Variants in PPFIA2 observed in about 807,000 individuals in gnomAD.
The protein encoded by PPFIA2 is PPFI scaffold protein A2.
In PPFIA2, 46 loss-of-function variants were observed where a neutral mutation model predicts 175.5. That is an observed-to-expected ratio of 0.26 (90% CI 0.21 to 0.34). PPFIA2 has a LOEUF of 0.34. Among genes scored for constraint, PPFIA2 ranks in the 10% least tolerant of loss-of-function variants. The pLI, the probability that PPFIA2 is intolerant of heterozygous loss-of-function variation, is 1.00. For missense variants in PPFIA2, 1,179 were observed against 1,506.1 expected, an observed-to-expected ratio of 0.78 and a Z score of 3.60; for synonymous variants, 568 against 511.4, an observed-to-expected ratio of 1.11 and a Z score of -1.49.
chr12:81,719,538 C>T (rs2079062845), intron 3 of PPFIA2, among the ~76,000 whole-genome samples: 1 of 151,422 alleles, frequency 6.6e-6, no homozygotes, highest in Non-Finnish European at 1.5e-5. Flanking sequence ...TCTTCTTCCT[C>T]CTTTTAAATA....
At chr12:81,609,858 T>C (rs186109697) in intron 4 of PPFIA2, among the ~76,000 whole-genome samples, 1 of 152,294 alleles carries the variant, frequency 6.6e-6, no homozygotes, top group East Asian at 1.9e-4. Context: ...TTACAGTTGC[T>C]TTATAGTACC....
chr12:81,653,674 T>A (rs887899350), intron 4 of PPFIA2, among the ~76,000 whole-genome samples: 3 of 152,032 alleles, frequency 2.0e-5, no homozygotes, highest in Non-Finnish European at 2.9e-5. Flanking sequence ...TATTACCAAA[T>A]AAGGTCACAT....
At chr12:81,303,473 G>A (rs958804899) in intron 22 of PPFIA2, among the ~76,000 whole-genome samples, 4 of 152,166 alleles carry the variant, frequency 2.6e-5, no homozygotes, top group South Asian at 2.1e-4. Flanking sequence ...AACAAGAAAA[G>A]TACTAATTGC....
chr12:81,751,034 A>C (rs963957158), intron 3 of PPFIA2, among the ~76,000 whole-genome samples: 1 of 152,166 alleles, frequency 6.6e-6, no homozygotes, highest in African/African-American at 2.4e-5. Context: ...CAAAATATTC[A>C]TAAAGTTTCA....
chr12:81,493,486 T>C (rs140459903), intron 4 of PPFIA2, among the ~76,000 whole-genome samples: 16 of 152,064 alleles, frequency 1.1e-4, no homozygotes, highest in African/African-American at 3.9e-4. Context: ...AGGAAGTTAC[T>C]AACTCTGAGA....
At chr12:81,628,121 T>A in intron 4 of PPFIA2, among the ~76,000 whole-genome samples, 1 of 152,200 alleles carries the variant, frequency 6.6e-6, no homozygotes, top group East Asian at 1.9e-4. Flanking sequence ...AATGTTATAC[T>A]TCATATAATT....
chr12:81,680,711 T>G (rs2073459324), intron 3 of PPFIA2, among the ~76,000 whole-genome samples: 1 of 151,912 alleles, frequency 6.6e-6, no homozygotes, highest in South Asian at 2.1e-4. Context: ...CTTCAGGATA[T>G]CAAACTACTT....
intron 4 of PPFIA2, among the ~76,000 whole-genome samples, chr12:81,564,453 G>A (rs145095971): frequency 1.3e-5 from 2 of 152,232 alleles, no homozygotes; most frequent in African/African-American, 4.8e-5. Context: ...ACCAAAATAG[G>A]TTGTCTGTAC....
intron 22 of PPFIA2, among the ~76,000 whole-genome samples, chr12:81,315,253 T>C (rs1171887512): frequency 6.6e-6 from 1 of 151,882 alleles, no homozygotes; most frequent in Non-Finnish European, 1.5e-5. Flanking sequence ...AATTTCACAA[T>C]GAAACTATTT....
intron 22 of PPFIA2, among the ~76,000 whole-genome samples, chr12:81,323,028 C>A (rs543586990): frequency 6.6e-6 from 1 of 152,162 alleles, no homozygotes; most frequent in African/African-American, 2.4e-5. Context: ...TTTAGGACTG[C>A]CAAGTTACAA....
chr12:81,314,888 A>G (rs1221624753), intron 22 of PPFIA2, among the ~76,000 whole-genome samples: 1 of 151,826 alleles, frequency 6.6e-6, no homozygotes, highest in East Asian at 1.9e-4. Flanking sequence ...TTAATAGGTG[A>G]AAGTTGAGAA....
intron 27 of PPFIA2, 146 bp downstream of exon 27, chr12:81,281,110 AT>A: frequency 1.6e-6 from 1 of 618,990 alleles, no homozygotes; most frequent in Non-Finnish European, 2.5e-6. Flanking sequence ...GGATGAAAAC[AT>A]TTTTCCAAGT....
chr12:81,580,635 T>C (rs2074262758), intron 4 of PPFIA2, among the ~76,000 whole-genome samples: 1 of 151,608 alleles, frequency 6.6e-6, no homozygotes, highest in Non-Finnish European at 1.5e-5. Flanking sequence ...CCCTCACTTA[T>C]AACTTCTCTC....
chr12:81,683,192 A>C (rs911198635), intron 3 of PPFIA2, among the ~76,000 whole-genome samples: 1 of 152,040 alleles, frequency 6.6e-6, no homozygotes, highest in East Asian at 1.9e-4. Flanking sequence ...TGACATCACC[A>C]TTCACCCAGT....
intron 4 of PPFIA2, among the ~76,000 whole-genome samples, chr12:81,495,679 A>T (rs1009252714): frequency 6.6e-6 from 1 of 152,054 alleles, no homozygotes; most frequent in African/African-American, 2.4e-5. Context: ...ACTAGGCATG[A>T]TGGTGAGCAT....
chr12:81,301,779 C>T (rs1181807741), intron 22 of PPFIA2, among the ~76,000 whole-genome samples: 5 of 152,182 alleles, frequency 3.3e-5, no homozygotes, highest in Non-Finnish European at 7.4e-5. Context: ...TCTATCTCTA[C>T]ATGGCTAACT....
intron 32 of PPFIA2, chr12:81,260,262 A>G (rs1377999646): frequency 6.6e-6 from 1 of 152,192 alleles, no homozygotes; most frequent in Non-Finnish European, 1.5e-5. Context: ...TGGTTGTCCT[A>G]GATTGAATTA....
intron 17 of PPFIA2, among the ~76,000 whole-genome samples, chr12:81,352,437 T>C (rs1414809649): frequency 6.6e-6 from 1 of 151,194 alleles, no homozygotes; most frequent in African/African-American, 2.4e-5. Flanking sequence ...ATGTTCTATC[T>C]CTCTCTCTCC....
chr12:81,745,311 T>C (rs574734387), intron 3 of PPFIA2, among the ~76,000 whole-genome samples: 1 of 152,186 alleles, frequency 6.6e-6, no homozygotes, highest in East Asian at 1.9e-4. Context: ...CACTGGAGGG[T>C]AGGAGTCTGG....
Sources: allele counts gnomAD v4.1 joint callset (sites outside exome capture counted in the v4.1 genomes callset), GRCh38; gene constraint gnomAD v4.1.1; transcripts MANE v1.5; gene names NCBI Gene and HGNC (gene_info 2026-07-23, HGNC 2026-07-21).